Variants in ANGPTL2 observed in about 807,000 individuals in gnomAD.
ANGPTL2 encodes angiopoietin-related protein 2.
A neutral mutation model predicts 52.8 loss-of-function variants in ANGPTL2; 25 were observed. The ratio of observed to expected loss-of-function variants is 0.47; its 90% CI spans 0.35 to 0.66. ANGPTL2 has a LOEUF of 0.66. Ranked by LOEUF, ANGPTL2 falls within the 30% of genes least tolerant of loss-of-function variation. The pLI is 0.01. For missense variants in ANGPTL2, 546 were observed against 656.9 expected (o/e 0.83, Z 1.84); for synonymous variants, 276 against 277.4 (o/e 1.00, Z 0.05).
intron 1 of ANGPTL2, among the ~76,000 whole-genome samples, chr9:127,109,145 G>C (rs1206727372): frequency 6.6e-6 from 1 of 152,186 alleles, no homozygotes; most frequent in African/African-American, 2.4e-5. Flanking sequence ...GCAGAGGGAG[G>C]GTTTTCTGGT....
chr9:127,118,725 T>C (rs1325939882), intron 1 of ANGPTL2, among the ~76,000 whole-genome samples: 1 of 152,244 alleles, frequency 6.6e-6, no homozygotes, highest in African/African-American at 2.4e-5. Context: ...TGCCCAGTCC[T>C]GCTGGGCTGT....
chr9:127,089,418 G>A (rs186609013), intron 4 of ANGPTL2, among the ~76,000 whole-genome samples: 171 of 152,314 alleles, frequency 1.1e-3, no homozygotes, highest in African/African-American at 2.2e-3. Flanking sequence ...GACGCCTGCC[G>A]CACAGGGCGG....
chr9:127,094,435 A>G (rs1190538594), intron 2 of ANGPTL2, among the ~76,000 whole-genome samples: 1 of 152,252 alleles, frequency 6.6e-6, no homozygotes. Context: ...CTGGGGGCCA[A>G]GTACAGTTGG....
intron 1 of ANGPTL2, among the ~76,000 whole-genome samples, chr9:127,116,132 C>G (rs2055390239): frequency 6.6e-6 from 1 of 152,188 alleles, no homozygotes; most frequent in Non-Finnish European, 1.5e-5. Context: ...TTGCTACTAC[C>G]TGTCATGGGT....
chr9:127,099,254 C>T (rs1017577677), intron 2 of ANGPTL2, among the ~76,000 whole-genome samples: 8 of 152,194 alleles, frequency 5.3e-5, no homozygotes, highest in Admixed American at 6.5e-5. Context: ...TGGGAAGTTG[C>T]TCCTGTGAAT....
chr9:127,094,009 C>T, intron 2 of ANGPTL2, 83 bp from the exon 3 acceptor site: 1 of 1,496,212 alleles, frequency 6.7e-7, no homozygotes, highest in Non-Finnish European at 9.1e-7. Flanking sequence ...CAGGCACAAC[C>T]TCTGTTGAGG....
chr9:127,120,407 C>T (rs1179199156), intron 1 of ANGPTL2, among the ~76,000 whole-genome samples: 1 of 152,154 alleles, frequency 6.6e-6, no homozygotes, highest in Non-Finnish European at 1.5e-5. Context: ...AGACATAAAG[C>T]CCCCCTCTCC....
intron 1 of ANGPTL2, among the ~76,000 whole-genome samples, chr9:127,113,030 T>C (rs573859960): frequency 6.6e-6 from 1 of 152,352 alleles, no homozygotes; most frequent in East Asian, 1.9e-4. Context: ...TGTAACTACA[T>C]TGATTCTGAG....
At chr9:127,114,631 A>G (rs568348266) in intron 1 of ANGPTL2, among the ~76,000 whole-genome samples, 1 of 152,258 alleles carries the variant, frequency 6.6e-6, no homozygotes, top group East Asian at 1.9e-4. Context: ...CCACCCCCTC[A>G]CCACCCGTCC....
intron 1 of ANGPTL2, among the ~76,000 whole-genome samples, chr9:127,121,243 T>G (rs931997135): frequency 2.0e-5 from 3 of 152,224 alleles, no homozygotes; most frequent in African/African-American, 7.2e-5. Flanking sequence ...ACCTGGGCAG[T>G]ATTATCCCAT....
In ANGPTL2 at chr9:127,093,804, C is replaced by A; in HGVS notation, c.940G>T (p.Gly314Trp). 1 of 1,614,044 alleles carries A rather than the reference C, an allele frequency of 6.2e-7. No individual in the cohort carries two copies. Among genetic ancestry groups the A allele is most frequent in the South Asian group, 1.1e-5 (1 of 91,064 alleles). ...QVWCDQRHDP[G>W]GWTVIQRRLD... Reference sequence around the variant, plus strand: ...CGTCTCTGGATGACGGTCCAGCCCCCGGGGTCGTGTCTCTGGTCGCACCAC... The same window carrying A: ...CGTCTCTGGATGACGGTCCAGCCCCAGGGGTCGTGTCTCTGGTCGCACCAC... The change falls in exon 3 of 5, where the codon GGG (glycine) becomes TGG (tryptophan). Residue 314 changes from glycine to tryptophan, a missense_variant. By Grantham distance (184) the Gly-to-Trp change is radical. Transcript: ENST00000373425.
chr9:127,109,407 A>C (rs1015351191), intron 1 of ANGPTL2, among the ~76,000 whole-genome samples: 14 of 152,252 alleles, frequency 9.2e-5, no homozygotes, highest in Admixed American at 1.3e-4. Context: ...TATGGAATAC[A>C]TTCAGGGTTT....
chr9:127,090,082 G>T (rs1278851914), intron 4 of ANGPTL2, among the ~76,000 whole-genome samples: 5 of 152,148 alleles, frequency 3.3e-5, no homozygotes, highest in African/African-American at 7.2e-5. Flanking sequence ...GAGTTTTTCT[G>T]GGGGTCCCTC....
At position 127,091,999 on chromosome 9, in the gene ANGPTL2, T is replaced by C; in HGVS notation, c.1012-59A>G. ...CCTGCAGCACCTGCAGCCAGCAGGC[T>C]TGGCTGTCAGACACTCAGCCCTGGA... is the stretch of plus-strand genomic sequence containing the variant. On this transcript the variant is annotated intron_variant, in intron 3 of 4. Transcript: ENST00000373425. The surrounding 1 kb of genome is among the most constrained non-coding windows in gnomAD (Gnocchi z 4.3). The C allele has an allele frequency of 5.1e-6, 8 of 1,583,942 alleles. No homozygotes were observed. The highest frequency in any genetic ancestry group is 6.9e-6 in the Non-Finnish European group (8 of 1,163,816).
intron 1 of ANGPTL2, among the ~76,000 whole-genome samples, chr9:127,110,259 T>C (rs1413356580): frequency 6.6e-6 from 1 of 152,172 alleles, no homozygotes; most frequent in Non-Finnish European, 1.5e-5. Context: ...ATGGAAGGGC[T>C]GGTTCTTGAT....
Position 127,108,529 on chromosome 9 carries a change from G to T in ANGPTL2, c.203C>A (p.Ala68Asp), listed in dbSNP as rs371076756. Reference sequence around the variant, plus strand: ...AGGCTCCTTGGAGTTGACGCAGATGGCACCCGTGACCCGCTGCTGGGGCAC... The same window carrying T: ...AGGCTCCTTGGAGTTGACGCAGATGTCACCCGTGACCCGCTGCTGGGGCAC... The part of the protein sequence containing the change: ...FIVPQQRVTG[A>D]ICVNSKEPEV... The change falls in exon 2 of 5, where the codon GCC (alanine) becomes GAC (aspartate). Residue 68 changes from alanine to aspartate, a missense_variant. Ala to Asp is a moderately radical substitution (Grantham distance 126, BLOSUM62 -2). Around this residue, in one of 2 missense-constraint regions of ANGPTL2, gnomAD observed 285 missense variants for 295.8 expected, o/e 0.96. Transcript: ENST00000373425. The T allele has an allele frequency of 3.7e-6, 6 of 1,612,916 alleles. No individual in the cohort carries two copies. The highest frequency in any genetic ancestry group is 5.1e-6 in the Non-Finnish European group (6 of 1,179,746).
chr9:127,092,536 A>G (rs1420929816), intron 3 of ANGPTL2, among the ~76,000 whole-genome samples: 4 of 152,052 alleles, frequency 2.6e-5, no homozygotes, highest in Non-Finnish European at 5.9e-5. Flanking sequence ...TTAATACAAT[A>G]ATTATTTAGT....
Position 127,108,567 on chromosome 9 carries a change from G to C in ANGPTL2, c.165C>G (p.Thr55=), listed in dbSNP as rs1485985482. 5 of 1,613,412 alleles carry C rather than the reference G, an allele frequency of 3.1e-6. No homozygotes were observed. The East Asian group carries it at 8.9e-5, about 29-fold the overall frequency. ...KRAGESQDKC[T]YTFIVPQQRV... ...GCTGCTGGGGCACAATGAAGGTGTA[G>C]GTGCACTTGTCCTGGGACTCGCCCG... is the stretch of plus-strand genomic sequence containing the variant. Residue 55 remains threonine (T), a synonymous_variant, in exon 2 of 5, where the codon ACC becomes ACG. Transcript: ENST00000373425.
At chr9:127,120,540 C>G (rs1245563872) in intron 1 of ANGPTL2, among the ~76,000 whole-genome samples, 2 of 152,232 alleles carry the variant, frequency 1.3e-5, no homozygotes, top group Non-Finnish European at 2.9e-5. Flanking sequence ...ATTTGGGTCT[C>G]TGGCCGGGTG....
Sources: gnomAD v4.1 joint callset for allele counts (sites outside exome capture counted in the v4.1 genomes callset) on GRCh38, gnomAD v4.1.1 for gene constraint, gnomAD v4.1.1 regional missense constraint, Gnocchi (gnomAD v3.1) non-coding constraint, MANE v1.5 for transcripts, NCBI Gene and HGNC (gene_info 2026-07-23, HGNC 2026-07-21) for gene names.